MAL: variants seen among roughly 807,000 people sequenced by gnomAD.
MAL encodes the protein myelin and lymphocyte protein.
A neutral mutation model predicts 16.7 loss-of-function variants in MAL; 5 were observed. The observed-to-expected ratio is 0.30, with a 90% CI of 0.16 to 0.63. The LOEUF (loss-of-function observed/expected upper bound fraction) is 0.63, where lower values mean the gene tolerates loss of function less well. Ranked by LOEUF, MAL falls within the 30% of genes least tolerant of loss-of-function variation. The pLI, the probability that MAL is intolerant of heterozygous loss-of-function variation, is 0.82. For missense variants in MAL, 202 were observed against 195.8 expected, an observed-to-expected ratio of 1.03 and a Z score of -0.19; for synonymous variants, 96 against 85.5, an observed-to-expected ratio of 1.12 and a Z score of -0.67.
At chr2:95,050,594 T>TG (rs1165652359) in intron 3 of MAL, among the ~76,000 whole-genome samples, 1 of 152,154 alleles carries the variant, frequency 6.6e-6, no homozygotes, top group Admixed American at 6.5e-5. Context: ...GCTTTAGAAA[T>TG]GGGGTTGGTG....
At chr2:95,049,835 T>C in intron 3 of MAL, 129 bp downstream of exon 3, 1 of 1,347,036 alleles carries the variant, frequency 7.4e-7, no homozygotes. Flanking sequence ...AAACCTTGCC[T>C]TCATGCCTGG....
chr2:95,030,678 G>A (rs1369705930), intron 1 of MAL, among the ~76,000 whole-genome samples: 1 of 152,216 alleles, frequency 6.6e-6, no homozygotes, highest in African/African-American at 2.4e-5. Context: ...AGGAGGCAGG[G>A]TTGTGAGTGA....
chr2:95,045,752 G>A (rs1459702658), intron 1 of MAL, among the ~76,000 whole-genome samples: 31 of 152,126 alleles, frequency 2.0e-4, no homozygotes, highest in African/African-American at 7.2e-4. Flanking sequence ...TGCCACCCTC[G>A]CATGCCTCCT....
intron 1 of MAL, among the ~76,000 whole-genome samples, chr2:95,036,163 G>A (rs1280895567): frequency 6.6e-6 from 1 of 152,156 alleles, no homozygotes; most frequent in African/African-American, 2.4e-5. Context: ...GAGAGTGACT[G>A]GTGTAGGTAA....
chr2:95,052,644 G>A (rs1431893283), intron 3 of MAL, among the ~76,000 whole-genome samples: 1 of 152,130 alleles, frequency 6.6e-6, no homozygotes, highest in Non-Finnish European at 1.5e-5. Flanking sequence ...GATTGGACTT[G>A]GCAGCAGGCA....
chr2:95,042,793 C>T (rs1022640800), intron 1 of MAL, among the ~76,000 whole-genome samples: 2 of 152,220 alleles, frequency 1.3e-5, no homozygotes, highest in African/African-American at 4.8e-5. Flanking sequence ...CTTGAACCCT[C>T]ACATACTCCC....
chr2:95,034,692 C>T (rs114873791), intron 1 of MAL, among the ~76,000 whole-genome samples: 3,306 of 152,164 alleles, frequency 0.022, 61 homozygotes, highest in Middle Eastern at 0.082. Flanking sequence ...AAGGAACCGC[C>T]GAGCTTATGG....
intron 1 of MAL, among the ~76,000 whole-genome samples, chr2:95,028,152 CAAAA>C (rs898443996): frequency 1.1e-3 from 44 of 39,690 alleles, no homozygotes; most frequent in African/African-American, 4.0e-3. Context: ...ACTAAAAATA[CAAAA>C]AAAAAAAAAA....
At chr2:95,034,530 A>G (rs1001062411) in intron 1 of MAL, among the ~76,000 whole-genome samples, 1 of 152,210 alleles carries the variant, frequency 6.6e-6, no homozygotes, top group Admixed American at 6.5e-5. Context: ...GCGATTTGTC[A>G]TCAGTGTCAG....
Position 95,047,960 on chromosome 2 carries a change from T to A in MAL, c.95T>A (p.Ile32Asn). 1 of 1,613,236 alleles carries A rather than the reference T, an allele frequency of 6.2e-7. No homozygotes were observed. Among genetic ancestry groups the A allele is most frequent in the South Asian group, 1.1e-5 (1 of 91,046 alleles). Reference sequence around the variant, plus strand: ...CTCACCCCTCCTCCTCCCCCGCAGATCTTCGGGGGCCTGGTGTGGATCCTG... The same window carrying A: ...CTCACCCCTCCTCCTCCCCCGCAGAACTTCGGGGGCCTGGTGTGGATCCTG... ...LPDLLFIFEF[I>N]FGGLVWILVA... Residue 32 changes from isoleucine to asparagine, a missense_variant and splice_region_variant, in exon 2 of 4, where the codon ATC (isoleucine) becomes AAC (asparagine). Physicochemically the swap from Ile to Asn is moderately radical, Grantham distance 149. Transcript: ENST00000309988.
chr2:95,051,153 C>T (rs930062653), intron 3 of MAL, among the ~76,000 whole-genome samples: 2 of 152,160 alleles, frequency 1.3e-5, no homozygotes, highest in African/African-American at 4.8e-5. Flanking sequence ...AGTTGAGAAC[C>T]ACTAGGCTCT....
chr2:95,049,760 G>A (rs1450337542), intron 3 of MAL, 54 bp downstream of exon 3: 3 of 1,607,512 alleles, frequency 1.9e-6, no homozygotes, highest in South Asian at 2.2e-5. Flanking sequence ...GTGGCTGGCA[G>A]GGTGTGTGTG....
At chr2:95,026,515 G>A (rs1173729466) in intron 1 of MAL, 1 of 131,850 alleles carries the variant, frequency 7.6e-6, no homozygotes, top group Non-Finnish European at 1.6e-5. Context: ...GGGGGGTGGG[G>A]GGTGGGGGGT....
intron 1 of MAL, among the ~76,000 whole-genome samples, chr2:95,027,851 T>A (rs1159079138): frequency 1.3e-5 from 2 of 151,816 alleles, no homozygotes; most frequent in Non-Finnish European, 2.9e-5. Flanking sequence ...ACTCGAGAGG[T>A]TTTTTTAATT....
chr2:95,051,866 G>A (rs1242223927), intron 3 of MAL: 2 of 152,216 alleles, frequency 1.3e-5, no homozygotes, highest in African/African-American at 2.4e-5. Flanking sequence ...GTCTGTGAGA[G>A]AGAAAGAAGT....
Position 95,053,576 on chromosome 2 carries a change from C to G in MAL, c.*121C>G, listed in dbSNP as rs374545322. On this transcript the variant is annotated 3_prime_UTR_variant, in exon 4 of 4. Coordinates refer to ENST00000309988, the MANE Select transcript of MAL (RefSeq NM_002371.4). ...GTGGAAAAAAGAAAACAACCACCCC[C>G]CCACTGCCCAAAAAAAAAAGCCCTG... 8.9e-5 allele frequency: 66 copies of G among 739,920 alleles called. No individual in the cohort carries two copies. In the East Asian group the frequency reaches 1.5e-3, roughly 17 times the overall value. The allele number at this position is 739,920 out of a possible 1,614,324, so 45.8% of individuals were successfully genotyped here.
chr2:95,046,938 A>G (rs1189651934), intron 1 of MAL, among the ~76,000 whole-genome samples: 1 of 148,722 alleles, frequency 6.7e-6, no homozygotes, highest in Non-Finnish European at 1.5e-5. Context: ...GAGAAAGAGA[A>G]AGAAAGAAAG....
intron 1 of MAL, among the ~76,000 whole-genome samples, chr2:95,028,046 C>G (rs1207897869): frequency 1.3e-5 from 2 of 151,818 alleles, no homozygotes; most frequent in Non-Finnish European, 2.9e-5. Flanking sequence ...GTGACTCACG[C>G]CTGTAATCCC....
chr2:95,035,594 G>A (rs1573289639), intron 1 of MAL, among the ~76,000 whole-genome samples: 1 of 152,062 alleles, frequency 6.6e-6, no homozygotes, highest in East Asian at 1.9e-4. Context: ...GAGATTGCAA[G>A]CCTGAACAGG....
Sources: gnomAD v4.1 joint callset for allele counts (sites outside exome capture counted in the v4.1 genomes callset) on GRCh38, gnomAD v4.1.1 for gene constraint, MANE v1.5 for transcripts, NCBI Gene and HGNC (gene_info 2026-07-23, HGNC 2026-07-21) for gene names.